PHF21B: variants seen among roughly 807,000 people sequenced by gnomAD.
PHF21B encodes PHD finger protein 21B.
A neutral mutation model predicts 62.2 loss-of-function variants in PHF21B; 22 were observed. That is an observed-to-expected ratio of 0.35 (90% CI 0.25 to 0.51). The LOEUF (loss-of-function observed/expected upper bound fraction) is 0.51. Among genes scored for constraint, PHF21B ranks in the 20% least tolerant of loss-of-function variants. PHF21B has a pLI of 0.97. For synonymous variants in PHF21B, 341 were observed against 314.7 expected (o/e 1.08, Z -0.88); for missense variants, 701 against 707.9 (o/e 0.99, Z 0.11).
intron 2 of PHF21B, among the ~76,000 whole-genome samples, chr22:44,930,582 C>T (rs2071721781): frequency 6.6e-6 from 1 of 152,090 alleles, no homozygotes; most frequent in Non-Finnish European, 1.5e-5. Context: ...GGGGCAGAGG[C>T]ACCAGCAGCA....
rs547950535 is a variant in PHF21B at position 44,936,680 on chromosome 22, C to T, written c.121-16190G>A. Among the ~76,000 whole-genome samples, 14 of 152,272 alleles carry T rather than the reference C, an allele frequency of 9.2e-5. No individual in the cohort carries two copies. In the South Asian group the frequency reaches 2.7e-3, roughly 29 times the overall value. The stretch of plus-strand genomic sequence containing the variant: ...ATAATATCTTGGACATATTGGATTA[C>T]ATAAAATAATTATTAAAATGATTTT... On this transcript the variant is annotated intron_variant, in intron 2 of 12. Transcript: ENST00000313237.
chr22:44,924,051 AGAGG>A (rs199677263), intron 2 of PHF21B, among the ~76,000 whole-genome samples: 11 of 84,372 alleles, frequency 1.3e-4, no homozygotes, highest in African/African-American at 3.2e-4. Context: ...AGGAGGAAGA[AGAGG>A]GAGGGAGGGA....
Position 44,894,614 on chromosome 22 carries a change from A to G in PHF21B, c.884-1081T>C, listed in dbSNP as rs947381559. ...GGGGAGCTCACAGAGGTTCTTACAAAGGAACCTTGGCTGGAGGGTAATGCC... is the reference window on the plus strand; with the variant it reads ...GGGGAGCTCACAGAGGTTCTTACAAGGGAACCTTGGCTGGAGGGTAATGCC... On this transcript the variant is annotated intron_variant, in intron 6 of 12. Transcript: ENST00000313237. 1.1e-4 allele frequency among the ~76,000 whole-genome samples: 16 copies of G among 152,200 alleles called. 1 individual carries two copies. Among genetic ancestry groups the G allele is most frequent in the Admixed American group, 3.3e-4 (5 of 15,280 alleles).
chr22:44,992,094 G>A (rs74321473), intron 2 of PHF21B, among the ~76,000 whole-genome samples: 3,064 of 152,280 alleles, frequency 0.02, 101 homozygotes, highest in African/African-American at 0.069. Context: ...CTGCCTCAAG[G>A]GCAGACTGTT....
At chr22:45,004,547 A>T (rs2073279435) in intron 2 of PHF21B, among the ~76,000 whole-genome samples, 2 of 152,218 alleles carry the variant, frequency 1.3e-5, no homozygotes, top group South Asian at 4.1e-4. Context: ...ATGTATAATG[A>T]TACTGTTTCA....
Position 44,883,229 on chromosome 22 carries a change from G to T in PHF21B, c.1453C>A (p.Leu485Ile). The T allele has an allele frequency of 6.2e-7, 1 of 1,613,940 alleles. No homozygotes were observed. Among genetic ancestry groups the T allele is most frequent in the Non-Finnish European group, 8.5e-7 (1 of 1,179,986 alleles). The change falls in exon 13 of 13, where the codon CTC (leucine) becomes ATC (isoleucine). Residue 485 changes from leucine to isoleucine, a missense_variant. By Grantham distance (5) the Leu-to-Ile change is conservative (BLOSUM62 2). Coordinates refer to ENST00000313237, the MANE Select transcript of PHF21B (RefSeq NM_138415.5). ...TGCTCGCCCTGTATCAGTCTCAGGA[G>T]GGCCCGCAGGCGGTCCAGGGATGAC... ...TQSSLDRLRALLRLIQGEQLL... is the reference protein window; with the variant it reads ...TQSSLDRLRAILRLIQGEQLL...
intron 7 of PHF21B, 97 bp downstream of exon 7, chr22:44,893,360 T>C: frequency 8.3e-7 from 1 of 1,204,902 alleles, no homozygotes; most frequent in South Asian, 1.4e-5. Flanking sequence ...GGGGGGTGCT[T>C]AGGAAAGCGA....
In PHF21B at chr22:44,966,810, A is replaced by G. The variant is rs970511305; in HGVS notation, c.120+41735T>C. Among the ~76,000 whole-genome samples the G allele has an allele frequency of 1.4e-4, 22 of 152,218 alleles. 1 individual carries two copies. The highest frequency in any genetic ancestry group is 1.2e-3 in the Admixed American group (19 of 15,288). Reference sequence around the variant, plus strand: ...TCCAGTCCAAGATGGAAAAGGTAGCATCGCTGCAGAGGCTCCCAGAGCAGT... The same window carrying G: ...TCCAGTCCAAGATGGAAAAGGTAGCGTCGCTGCAGAGGCTCCCAGAGCAGT... On this transcript the variant is annotated intron_variant, in intron 2 of 12. Coordinates refer to ENST00000313237, the MANE Select transcript of PHF21B (RefSeq NM_138415.5).
intron 2 of PHF21B, among the ~76,000 whole-genome samples, chr22:44,953,422 T>A (rs1185657773): frequency 6.6e-6 from 1 of 152,200 alleles, no homozygotes; most frequent in Non-Finnish European, 1.5e-5. Flanking sequence ...ATCGGGCTTT[T>A]GTGGTGTGAT....
chr22:44,934,524 C>T (rs1250820878), intron 2 of PHF21B, among the ~76,000 whole-genome samples: 2 of 152,126 alleles, frequency 1.3e-5, no homozygotes, highest in African/African-American at 4.8e-5. Context: ...GGAACAGAGC[C>T]CTCCCCTGCC....
chr22:44,980,661 T>G (rs2072824460), intron 2 of PHF21B, among the ~76,000 whole-genome samples: 1 of 152,216 alleles, frequency 6.6e-6, no homozygotes. Context: ...GTCAAGCCAC[T>G]GCCTCCCCCA....
Position 44,882,750 on chromosome 22 carries a change from C to A in PHF21B, c.*336G>T. The A allele has an allele frequency of 3.7e-6, 1 of 270,260 alleles. No homozygotes were observed. The allele number at this position is 270,260 out of a possible 1,614,324, so 16.7% of individuals were successfully genotyped here. ...TTGTCCCCTCCACAGCCTCAGCCTG[C>A]CCCTCCAACGGGCCAGAGGGAGGCC... On this transcript the variant is annotated 3_prime_UTR_variant, in exon 13 of 13. Coordinates refer to ENST00000313237, the MANE Select transcript of PHF21B (RefSeq NM_138415.5).
chr22:44,972,335 G>A (rs908637763), intron 2 of PHF21B, among the ~76,000 whole-genome samples: 20 of 152,312 alleles, frequency 1.3e-4, no homozygotes, highest in Middle Eastern at 3.4e-3. Flanking sequence ...CATGAGTGAC[G>A]GATTTGGGCA....
At chr22:44,938,616 A>G (rs1211182368) in intron 2 of PHF21B, among the ~76,000 whole-genome samples, 1 of 152,280 alleles carries the variant, frequency 6.6e-6, no homozygotes, top group African/African-American at 2.4e-5. Context: ...AGAGGAGCCC[A>G]GCTGGTGCAC....
In PHF21B at chr22:45,009,663, G is replaced by C; in HGVS notation, c.-114C>G. 3.9e-6 allele frequency: 4 copies of C among 1,012,730 alleles called. No homozygotes were observed. The highest frequency in any genetic ancestry group is 5.4e-6 in the Non-Finnish European group (4 of 738,958). 62.7% of individuals were successfully genotyped at this position (1,012,730 alleles called of 1,614,324 possible). On this transcript the variant is annotated 5_prime_UTR_variant, in exon 1 of 13. Transcript: ENST00000313237. The surrounding 1 kb of genome is among the most constrained non-coding windows in gnomAD (Gnocchi z 5.9). ...CGGACGCGGCCTCCGGGCTGGGTTG[G>C]GGGGGACACGAGCCCCCTCCCCCAC...
At chr22:44,954,317 C>T (rs1029430675) in intron 2 of PHF21B, among the ~76,000 whole-genome samples, 4 of 152,240 alleles carry the variant, frequency 2.6e-5, no homozygotes, top group South Asian at 2.1e-4. Flanking sequence ...GGGGACCCAG[C>T]GCAGGACACG....
At chr22:44,986,917 TG>T (rs1427393436) in intron 2 of PHF21B, among the ~76,000 whole-genome samples, 3 of 148,472 alleles carry the variant, frequency 2.0e-5, no homozygotes, top group African/African-American at 7.5e-5. Context: ...CAGGTGCAGG[TG>T]GGGTCCTGGA....
intron 2 of PHF21B, among the ~76,000 whole-genome samples, chr22:44,948,005 T>TTGTCCCTCCTCCCCGCTGG: frequency 6.6e-6 from 1 of 152,074 alleles, no homozygotes; most frequent in African/African-American, 2.4e-5. Context: ...CTCCCCGCTG[T>TTGTCCCTCCTCCCCGCTGG]TGTCCCTCCT....
chr22:44,918,931 C>T (rs2071486782), intron 3 of PHF21B, among the ~76,000 whole-genome samples: 2 of 152,218 alleles, frequency 1.3e-5, no homozygotes, highest in South Asian at 4.1e-4. Context: ...CTCTAAGGTC[C>T]CCATGGGCCC....
Sources: gnomAD v4.1 joint callset for allele counts (sites outside exome capture counted in the v4.1 genomes callset) on GRCh38, gnomAD v4.1.1 for gene constraint, Gnocchi (gnomAD v3.1) non-coding constraint, MANE v1.5 for transcripts, NCBI Gene and HGNC (gene_info 2026-07-23, HGNC 2026-07-21) for gene names.